ATF1: variants seen among roughly 807,000 people sequenced by gnomAD.
The protein encoded by ATF1 is activating transcription factor 1, also known as cyclic AMP-dependent transcription factor ATF-1.
ATF1 carries 16 observed loss-of-function variants against 34.7 expected under a neutral mutation model. The ratio of observed to expected loss-of-function variants is 0.46; its 90% confidence interval spans 0.31 to 0.70. The LOEUF is 0.70. Among genes scored for constraint, ATF1 ranks in the 30% least tolerant of loss-of-function variants. The pLI is 0.05. For synonymous variants in ATF1, 105 were observed against 113.1 expected, an observed-to-expected ratio of 0.93 and a Z score of 0.46; for missense variants, 255 against 321.6, an observed-to-expected ratio of 0.79 and a Z score of 1.58.
intron 4 of ATF1, among the ~76,000 whole-genome samples, chr12:50,812,006 G>A (rs1000498627): frequency 6.6e-6 from 1 of 152,178 alleles, no homozygotes; most frequent in African/African-American, 2.4e-5. Flanking sequence ...TAAACCATGT[G>A]TGACTGTTGA....
At chr12:50,817,325 A>C (rs1941863930) in intron 6 of ATF1, among the ~76,000 whole-genome samples, 1 of 152,204 alleles carries the variant, frequency 6.6e-6, no homozygotes, top group Non-Finnish European at 1.5e-5. Flanking sequence ...TATTTATAGA[A>C]TGGAATGTTT....
At chr12:50,819,423 A>C (rs1244143798) in intron 6 of ATF1, among the ~76,000 whole-genome samples, 1 of 152,226 alleles carries the variant, frequency 6.6e-6, no homozygotes, top group African/African-American at 2.4e-5. Flanking sequence ...GACAGTGGGA[A>C]TGTTCTGTTG....
chr12:50,813,266 A>G (rs2139694607), intron 4 of ATF1, among the ~76,000 whole-genome samples: 3 of 152,326 alleles, frequency 2.0e-5, no homozygotes, highest in Middle Eastern at 6.8e-3. Context: ...TGAATAGATT[A>G]CATTTCTTAA....
chr12:50,772,254 A>C (rs796237093), intron 1 of ATF1, among the ~76,000 whole-genome samples: 1 of 151,694 alleles, frequency 6.6e-6, no homozygotes, highest in African/African-American at 2.4e-5. Flanking sequence ...CTGGGATTAC[A>C]GGAATGAGCC....
At chr12:50,808,655 A>T (rs1007148056) in intron 3 of ATF1, among the ~76,000 whole-genome samples, 3 of 151,874 alleles carry the variant, frequency 2.0e-5, no homozygotes, top group Admixed American at 6.6e-5. Context: ...CTAATATGTA[A>T]TCAGCCTGGA....
intron 3 of ATF1, among the ~76,000 whole-genome samples, chr12:50,801,988 T>C (rs1331823193): frequency 1.3e-5 from 2 of 152,192 alleles, no homozygotes; most frequent in Non-Finnish European, 2.9e-5. Context: ...TACATGACAG[T>C]ATCTTATATA....
intron 1 of ATF1, among the ~76,000 whole-genome samples, chr12:50,773,183 T>C (rs1018240683): frequency 1.3e-5 from 2 of 152,220 alleles, no homozygotes; most frequent in African/African-American, 4.8e-5. Flanking sequence ...GCATATGGGT[T>C]GATTGCATGT....
intron 2 of ATF1, among the ~76,000 whole-genome samples, chr12:50,780,860 T>TGA (rs1941044977): frequency 1.3e-5 from 2 of 152,114 alleles, no homozygotes; most frequent in South Asian, 4.2e-4. Context: ...CTCGGGAGGC[T>TGA]GAGGCAGGAG....
At chr12:50,815,129 A>T (rs911493726) in intron 6 of ATF1, among the ~76,000 whole-genome samples, 3 of 152,096 alleles carry the variant, frequency 2.0e-5, no homozygotes, top group African/African-American at 4.8e-5. Flanking sequence ...CTCAAAAAAA[A>T]AAATTTTTTT....
At chr12:50,763,596 C>A (rs915115687), upstream of ATF1, 1 of 133,328 alleles carries the variant, frequency 7.5e-6, no homozygotes, top group African/African-American at 2.8e-5. Context: ...GCCTGGGCCA[C>A]AGACCCCCGT....
chr12:50,775,721 A>G (rs1940903190), intron 1 of ATF1: 1 of 152,256 alleles, frequency 6.6e-6, no homozygotes, highest in African/African-American at 2.4e-5. Flanking sequence ...AAACTCTTTT[A>G]TAGTTTCAGT....
intron 6 of ATF1, among the ~76,000 whole-genome samples, chr12:50,819,364 G>A (rs1401455276): frequency 6.6e-6 from 1 of 151,826 alleles, no homozygotes; most frequent in African/African-American, 2.4e-5. Context: ...CAAAACGATA[G>A]TTGCTTGGAA....
chr12:50,810,098 G>A (rs941600681), intron 4 of ATF1, among the ~76,000 whole-genome samples: 3 of 151,988 alleles, frequency 2.0e-5, no homozygotes, highest in Admixed American at 2.0e-4. Context: ...CTCCCAAAGT[G>A]CTGGGATTAT....
At position 50,819,796 on chromosome 12, in the gene ATF1, T is replaced by C; in HGVS notation, c.*17T>C. 2 of 1,498,042 alleles carry C rather than the reference T, an allele frequency of 1.3e-6. No homozygotes were observed. The highest frequency in any genetic ancestry group is 2.5e-5 in the South Asian group (2 of 80,910). 92.8% of individuals were successfully genotyped at this position (1,498,042 alleles called of 1,614,324 possible). On this transcript the variant is annotated 3_prime_UTR_variant, in exon 7 of 7. Transcript: ENST00000262053. Reference sequence around the variant, plus strand: ...AGTGTTTGATTCCTAAGAAAGAAAATATTTTTGTGGACATGCATAAAAATT... The same window carrying C: ...AGTGTTTGATTCCTAAGAAAGAAAACATTTTTGTGGACATGCATAAAAATT...
At chr12:50,810,919 C>T (rs750524855) in intron 4 of ATF1, among the ~76,000 whole-genome samples, 4 of 152,146 alleles carry the variant, frequency 2.6e-5, no homozygotes, top group Admixed American at 6.5e-5. Flanking sequence ...TAGATCACAT[C>T]GCTCCTGCCC....
chr12:50,817,742 G>A (rs1171967496), intron 6 of ATF1, among the ~76,000 whole-genome samples: 1 of 152,154 alleles, frequency 6.6e-6, no homozygotes, highest in African/African-American at 2.4e-5. Context: ...ATTACGAGAT[G>A]TATAGGTTAT....
intron 3 of ATF1, among the ~76,000 whole-genome samples, chr12:50,808,989 C>T (rs907058640): frequency 2.0e-4 from 31 of 152,048 alleles, no homozygotes; most frequent in Non-Finnish European, 3.4e-4. Context: ...CCGCTGGTCT[C>T]GGCCTCCCAA....
intron 2 of ATF1, among the ~76,000 whole-genome samples, chr12:50,790,612 GGAGA>G (rs1218808221): frequency 6.6e-6 from 1 of 152,132 alleles, no homozygotes; most frequent in African/African-American, 2.4e-5. Flanking sequence ...CTGCAGTATA[GGAGA>G]GAAACTCCAA....
chr12:50,797,366 A>C (rs552323688), intron 3 of ATF1, among the ~76,000 whole-genome samples: 27 of 152,374 alleles, frequency 1.8e-4, no homozygotes, highest in African/African-American at 6.3e-4. Flanking sequence ...AAAAGCTAAA[A>C]GCTTCCAAGT....
Sources: allele counts gnomAD v4.1 joint callset (sites outside exome capture counted in the v4.1 genomes callset), GRCh38; gene constraint gnomAD v4.1.1; transcripts MANE v1.5; gene names NCBI Gene and HGNC (gene_info 2026-07-23, HGNC 2026-07-21).